ATP8A1: variants seen among roughly 807,000 people sequenced by gnomAD.
The protein encoded by ATP8A1 is phospholipid-transporting ATPase IA.
Under a neutral mutation model 177.7 loss-of-function variants are expected in ATP8A1, and 90 were observed. The ratio of observed to expected loss-of-function variants is 0.51; its 90% confidence interval spans 0.43 to 0.60. The LOEUF (loss-of-function observed/expected upper bound fraction) is 0.60. ATP8A1 is among the 20% of genes least tolerant of loss of function. The pLI is 0.00. For missense variants in ATP8A1, 1,072 were observed against 1,392.8 expected, an observed-to-expected ratio of 0.77 and a Z score of 3.67; for synonymous variants, 493 against 485.9, an observed-to-expected ratio of 1.01 and a Z score of -0.19.
At chr4:42,638,847 G>T (rs1739648725) in intron 1 of ATP8A1, among the ~76,000 whole-genome samples, 1 of 152,152 alleles carries the variant, frequency 6.6e-6, no homozygotes. Context: ...CCACTGACTT[G>T]CAGTGGCATT....
rs115409579 is a variant in ATP8A1 at position 42,417,474 on chromosome 4, A to G, written c.3306-2756T>C. ...GTAAATTTTGAGTTTGTTTAATGCA[A>G]TCACACAACTACTACTAAATATTGT... On this transcript the variant is annotated intron_variant, in intron 35 of 36. Coordinates refer to ENST00000381668, the MANE Select transcript of ATP8A1 (RefSeq NM_006095.2). Among the ~76,000 whole-genome samples the G allele has an allele frequency of 7.9e-3, 1,207 of 152,270 alleles. 14 individuals carry two copies. Among genetic ancestry groups the G allele is most frequent in the African/African-American group, 0.027 (1,101 of 41,532 alleles).
chr4:42,459,007 C>T (rs1718790082), intron 27 of ATP8A1, among the ~76,000 whole-genome samples: 1 of 152,176 alleles, frequency 6.6e-6, no homozygotes. Flanking sequence ...TGACATGAGC[C>T]ATTAACATCT....
At position 42,632,135 on chromosome 4, in the gene ATP8A1, G is replaced by C. The variant is rs138162947; in HGVS notation, c.50-5026C>G. ...ACTTTGAGGAATGGAACTGAGCAAG[G>C]ATCCTTTTCTATGTATGAAAGCACA... On this transcript the variant is annotated intron_variant, in intron 1 of 36. Transcript: ENST00000381668. Among the ~76,000 whole-genome samples the C allele has an allele frequency of 2.4e-4, 36 of 152,218 alleles. No homozygotes were observed. The East Asian group carries it at 6.2e-3, about 26-fold the overall frequency.
chr4:42,550,537 C>T (rs562080260), intron 18 of ATP8A1, among the ~76,000 whole-genome samples: 1 of 152,160 alleles, frequency 6.6e-6, no homozygotes, highest in Non-Finnish European at 1.5e-5. Context: ...AGGGACTTTA[C>T]CACTTTACAC....
At chr4:42,461,518 TGA>T (rs1719155854) in intron 27 of ATP8A1, among the ~76,000 whole-genome samples, 2 of 152,224 alleles carry the variant, frequency 1.3e-5, no homozygotes, top group African/African-American at 4.8e-5. Flanking sequence ...ATGTAAGACG[TGA>T]CTTGTTCCTC....
At chr4:42,613,647 G>A (rs912444452) in intron 5 of ATP8A1, among the ~76,000 whole-genome samples, 6 of 151,864 alleles carry the variant, frequency 4.0e-5, no homozygotes, top group South Asian at 2.1e-4. Context: ...GCAGTGGCGC[G>A]GTCTTGGCTC....
chr4:42,442,376 C>CT (rs1716727943), intron 33 of ATP8A1, among the ~76,000 whole-genome samples: 1 of 152,158 alleles, frequency 6.6e-6, no homozygotes, highest in Non-Finnish European at 1.5e-5. Flanking sequence ...CATGCACATA[C>CT]TTTTTTTCCT....
At chr4:42,566,060 T>A (rs1001851485) in intron 15 of ATP8A1, among the ~76,000 whole-genome samples, 4 of 152,220 alleles carry the variant, frequency 2.6e-5, no homozygotes, top group African/African-American at 9.6e-5. Flanking sequence ...ATAAACTATT[T>A]ATATTAATAC....
chr4:42,645,640 T>TAA (rs1167599219), intron 1 of ATP8A1, among the ~76,000 whole-genome samples: 6 of 152,204 alleles, frequency 3.9e-5, no homozygotes, highest in Admixed American at 1.3e-4. Context: ...GATGTGGCTA[T>TAA]AAAAACAATT....
At chr4:42,550,826 T>A (rs989885738) in intron 18 of ATP8A1, among the ~76,000 whole-genome samples, 6 of 152,186 alleles carry the variant, frequency 3.9e-5, no homozygotes, top group Non-Finnish European at 7.3e-5. Context: ...TTGTGAAATG[T>A]TGGCTCAAGT....
rs1397586114 is a variant in ATP8A1, at chr4:42,578,275, T to C, written c.1113A>G (p.Ala371=). ...VTLEVVKFTQ[A]YFINWDLDMH... is the part of the protein sequence containing the mutation. ...TCATATTTACCCAATTTATGAAGTA[T>C]GCCTGGGTAAATTTCACAACTTCTA... is the stretch of plus-strand genomic sequence containing the variant. Residue 371 remains alanine, a synonymous_variant, in exon 12 of 37, where the codon GCA becomes GCG. Transcript: ENST00000381668. 9.3e-6 allele frequency: 15 copies of C among 1,605,622 alleles called. No individual in the cohort carries two copies. Among genetic ancestry groups the C allele is most frequent in the East Asian group, 2.2e-5 (1 of 44,494 alleles).
At chr4:42,492,323 A>G (rs1326139226) in intron 24 of ATP8A1, among the ~76,000 whole-genome samples, 1 of 152,156 alleles carries the variant, frequency 6.6e-6, no homozygotes, top group Non-Finnish European at 1.5e-5. Context: ...TCTGCATTAT[A>G]CTTTGAGTTT....
At chr4:42,595,639 A>C (rs966820775) in intron 6 of ATP8A1, among the ~76,000 whole-genome samples, 1 of 152,246 alleles carries the variant, frequency 6.6e-6, no homozygotes, top group Non-Finnish European at 1.5e-5. Flanking sequence ...GAAAGATAAT[A>C]AAATGTAAAT....
At chr4:42,590,095 A>G (rs1199409086) in intron 7 of ATP8A1, among the ~76,000 whole-genome samples, 1 of 152,230 alleles carries the variant, frequency 6.6e-6, no homozygotes, top group Non-Finnish European at 1.5e-5. Context: ...AATTATGATG[A>G]CATCTAAAAC....
intron 27 of ATP8A1, chr4:42,459,564 C>T (rs1357625828): frequency 3.1e-6 from 1 of 317,756 alleles, no homozygotes; most frequent in Non-Finnish European, 6.2e-6. Flanking sequence ...AATAGAAAAG[C>T]TAGATATATA....
intron 1 of ATP8A1, among the ~76,000 whole-genome samples, chr4:42,642,806 G>GTA (rs1740142677): frequency 6.6e-6 from 1 of 152,062 alleles, no homozygotes; most frequent in South Asian, 2.1e-4. Context: ...AGACCTGCTG[G>GTA]TATACCGTGA....
intron 25 of ATP8A1, among the ~76,000 whole-genome samples, chr4:42,483,436 C>T (rs1202250665): frequency 1.3e-5 from 2 of 151,068 alleles, no homozygotes; most frequent in African/African-American, 2.4e-5. Context: ...GTAGGGACCT[C>T]ATGGTCTTGA....
intron 1 of ATP8A1, among the ~76,000 whole-genome samples, chr4:42,640,962 A>G (rs2109546201): frequency 6.6e-6 from 1 of 151,554 alleles, no homozygotes; most frequent in South Asian, 2.1e-4. Context: ...CATGCATGCC[A>G]AAGTTAGGAA....
chr4:42,433,372 C>A (rs1209903409), intron 33 of ATP8A1, among the ~76,000 whole-genome samples: 1 of 152,186 alleles, frequency 6.6e-6, no homozygotes, highest in Non-Finnish European at 1.5e-5. Flanking sequence ...CAAACTAGCT[C>A]TTCAGAATGG....
Sources: gnomAD v4.1 joint callset for allele counts (sites outside exome capture counted in the v4.1 genomes callset) on GRCh38, gnomAD v4.1.1 for gene constraint, MANE v1.5 for transcripts, NCBI Gene and HGNC (gene_info 2026-07-23, HGNC 2026-07-21) for gene names.